Variants in PSMD14 observed in about 807,000 individuals in gnomAD.
PSMD14 encodes ubiquitin C-terminal hydrolase PSMD14.
A neutral mutation model predicts 41.2 loss-of-function variants in PSMD14; 7 were observed. That is an observed-to-expected ratio of 0.17 (90% CI 0.10 to 0.32). The LOEUF (loss-of-function observed/expected upper bound fraction) is 0.32. PSMD14 is among the 10% of genes least tolerant of loss of function. The pLI is 1.00. For synonymous variants in PSMD14, 114 were observed against 122.3 expected (o/e 0.93, Z 0.45); for missense variants, 139 against 375.6 (o/e 0.37, Z 5.21).
chr2:161,320,852 A>G (rs1682568117), intron 3 of PSMD14, among the ~76,000 whole-genome samples: 1 of 152,048 alleles, frequency 6.6e-6, no homozygotes, highest in South Asian at 2.1e-4. Context: ...CAGCCTCCCA[A>G]GTAGCTGGGA....
In PSMD14 at chr2:161,338,726, C is replaced by T. The variant is rs562702250; in HGVS notation, c.48+19853C>T. On this transcript the variant is annotated intron_variant, in intron 3 of 11. Coordinates refer to ENST00000409682, the MANE Select transcript of PSMD14 (RefSeq NM_005805.6). ...ATTTGTTAAGTTTTGACTGTATTTA[C>T]TCAGGAAACCATCACTGCAATCAAG... Among the ~76,000 whole-genome samples, 4 of 152,210 alleles carry T rather than the reference C, an allele frequency of 2.6e-5. No homozygotes were observed. In the East Asian group the frequency reaches 7.7e-4, roughly 29 times the overall value.
At chr2:161,404,358 G>C (rs1339737508) in intron 10 of PSMD14, among the ~76,000 whole-genome samples, 1 of 152,058 alleles carries the variant, frequency 6.6e-6, no homozygotes, top group Non-Finnish European at 1.5e-5. Flanking sequence ...TGCTATACTT[G>C]TATTTTTCTA....
chr2:161,388,005 T>A lies in PSMD14; in HGVS notation c.570+2434T>A, dbSNP rs553058838. 3.0e-3 allele frequency among the ~76,000 whole-genome samples: 458 copies of A among 152,158 alleles called. 3 individuals are homozygous for A. Among genetic ancestry groups the A allele is most frequent in the Non-Finnish European group, 5.2e-3 (353 of 67,968 alleles). On this transcript the variant is annotated intron_variant, in intron 8 of 11. Coordinates refer to ENST00000409682, the MANE Select transcript of PSMD14 (RefSeq NM_005805.6). ...TTATTTTGCACTTGGAACATTTGGC[T>A]ATTACTTTCAAATGTTTAGAATTGA...
chr2:161,359,839 A>G (rs1332992621), intron 3 of PSMD14, among the ~76,000 whole-genome samples: 3 of 152,184 alleles, frequency 2.0e-5, no homozygotes, highest in Admixed American at 6.5e-5. Context: ...AAAGTATATT[A>G]CTAGCGTCAG....
chr2:161,402,756 G>C (rs944670852), intron 10 of PSMD14, among the ~76,000 whole-genome samples: 1 of 151,716 alleles, frequency 6.6e-6, no homozygotes, highest in East Asian at 1.9e-4. Context: ...AGACAATCCA[G>C]TACAAAATTA....
At chr2:161,388,779 A>G (rs1683666554) in intron 8 of PSMD14, among the ~76,000 whole-genome samples, 1 of 152,178 alleles carries the variant, frequency 6.6e-6, no homozygotes, top group African/African-American at 2.4e-5. Flanking sequence ...TCAGGAACCC[A>G]TGAATAGCTT....
At chr2:161,310,052 C>G (rs1689070641) in intron 1 of PSMD14, among the ~76,000 whole-genome samples, 1 of 152,042 alleles carries the variant, frequency 6.6e-6, no homozygotes, top group African/African-American at 2.4e-5. Flanking sequence ...TCCCAGCTAC[C>G]TCAGGAGGCT....
chr2:161,370,247 G>T, intron 6 of PSMD14, 70 bp downstream of exon 6: 1 of 1,183,290 alleles, frequency 8.5e-7, no homozygotes, highest in Non-Finnish European at 1.2e-6. Flanking sequence ...CAAAGTTATA[G>T]ATGTTTATCA....
chr2:161,391,201 T>C lies in PSMD14; in HGVS notation c.645+23T>C, dbSNP rs753175951. 577 of 1,488,854 alleles carry C rather than the reference T, an allele frequency of 3.9e-4. 3 individuals carry two copies. The Middle Eastern group carries it at 7.1e-3, about 18-fold the overall frequency. 92.2% of individuals were successfully genotyped at this position (1,488,854 alleles called of 1,614,324 possible). A position where few individuals can be genotyped will look rare whatever the true frequency, so the allele number is the denominator to read the frequency against. ...AAGGTAAGTTTAAATTTTTATCTTA[T>C]AGGAGGAAAAAAATCTTTTTCAAAC... is the stretch of plus-strand genomic sequence containing the variant. On this transcript the variant is annotated intron_variant, in intron 9 of 11. Transcript: ENST00000409682.
intron 3 of PSMD14, among the ~76,000 whole-genome samples, chr2:161,319,948 T>C (rs185690037): frequency 1.1e-3 from 163 of 152,352 alleles, no homozygotes; most frequent in Middle Eastern, 0.01. Context: ...TGATTTCTCA[T>C]GTTTCTTTGT....
At chr2:161,363,173 T>A (rs1001613259) in intron 3 of PSMD14, among the ~76,000 whole-genome samples, 1 of 152,174 alleles carries the variant, frequency 6.6e-6, no homozygotes, top group African/African-American at 2.4e-5. Flanking sequence ...GGTTGCATGC[T>A]CCATCTATAA....
intron 4 of PSMD14, 30 bp downstream of exon 4, chr2:161,367,579 G>A: frequency 6.5e-7 from 1 of 1,550,080 alleles, no homozygotes; most frequent in Non-Finnish European, 8.8e-7. Context: ...ACTTGCTTTA[G>A]AGAACTCTGT....
chr2:161,350,600 T>C (rs1470742116), intron 3 of PSMD14, among the ~76,000 whole-genome samples: 1 of 152,238 alleles, frequency 6.6e-6, no homozygotes, highest in African/African-American at 2.4e-5. Flanking sequence ...ATGTTGTGTC[T>C]TGATTAATCA....
chr2:161,389,889 G>GTTGTTTTTTTTTTTTTTTTGT, intron 8 of PSMD14, among the ~76,000 whole-genome samples: 1 of 20,042 alleles, frequency 5.0e-5, no homozygotes, highest in Admixed American at 6.9e-4. Flanking sequence ...CTTTTTTGTT[G>GTTGTTTTTTTTTTTTTTTTGT]TTTTTTTTTT....
chr2:161,411,613 T>C lies in PSMD14; in HGVS notation c.*213T>C. 3.2e-6 allele frequency: 1 copy of C among 310,340 alleles called. No individual in the cohort carries two copies. The highest frequency in any genetic ancestry group is 5.9e-6 in the Non-Finnish European group (1 of 170,090). 19.2% of individuals were successfully genotyped at this position (310,340 alleles called of 1,614,324 possible). On this transcript the variant is annotated 3_prime_UTR_variant, in exon 12 of 12. Coordinates refer to ENST00000409682, the MANE Select transcript of PSMD14 (RefSeq NM_005805.6). ...GATTCTAAAGTTATACATGAATACA[T>C]CAAAGTGGACAAATTTTGTTAAGAT...
At chr2:161,311,150 A>C (rs921522307) in intron 1 of PSMD14, among the ~76,000 whole-genome samples, 1 of 152,136 alleles carries the variant, frequency 6.6e-6, no homozygotes, top group Admixed American at 6.5e-5. Context: ...AAAATACAAA[A>C]ATACAAAAAT....
At chr2:161,315,993 C>T (rs1251688898) in intron 1 of PSMD14, among the ~76,000 whole-genome samples, 2 of 152,044 alleles carry the variant, frequency 1.3e-5, no homozygotes, top group Non-Finnish European at 1.5e-5. Context: ...AGGTGCCTGC[C>T]ACCACGCCTG....
intron 10 of PSMD14, among the ~76,000 whole-genome samples, chr2:161,402,131 T>C (rs1462105955): frequency 6.6e-6 from 1 of 152,226 alleles, no homozygotes; most frequent in African/African-American, 2.4e-5. Flanking sequence ...AATCTGCCTC[T>C]TCGCATTGCC....
chr2:161,390,539 A>T (rs1419090750), intron 8 of PSMD14, among the ~76,000 whole-genome samples: 2 of 152,166 alleles, frequency 1.3e-5, no homozygotes, highest in Non-Finnish European at 2.9e-5. Context: ...GTGAGGTGAA[A>T]AAAATTCTGG....
Sources: allele counts gnomAD v4.1 joint callset (sites outside exome capture counted in the v4.1 genomes callset), GRCh38; gene constraint gnomAD v4.1.1; transcripts MANE v1.5; gene names NCBI Gene and HGNC (gene_info 2026-07-23, HGNC 2026-07-21).